IL15: variants seen among roughly 807,000 people sequenced by gnomAD.
The protein encoded by IL15 is interleukin 15.
IL15 carries 11 observed loss-of-function variants against 19.6 expected under a neutral mutation model. The observed-to-expected ratio is 0.56, with a 90% CI of 0.35 to 0.93. The LOEUF (loss-of-function observed/expected upper bound fraction) is 0.93. Among genes scored for constraint, IL15 ranks in the 40% least tolerant of loss-of-function variants. The pLI is 0.01. For missense variants in IL15, 197 were observed against 186.5 expected (o/e 1.06, Z -0.33); for synonymous variants, 58 against 59.6 (o/e 0.97, Z 0.12).
intron 2 of IL15, among the ~76,000 whole-genome samples, chr4:141,657,358 TAA>T (rs1360044610): frequency 6.6e-6 from 1 of 152,144 alleles, no homozygotes; most frequent in Non-Finnish European, 1.5e-5. Context: ...GTAAACTGTA[TAA>T]ACACTGTACA....
intron 2 of IL15, among the ~76,000 whole-genome samples, chr4:141,680,671 C>T (rs925287138): frequency 1.3e-5 from 2 of 152,142 alleles, no homozygotes; most frequent in African/African-American, 4.8e-5. Context: ...AAACACTTTC[C>T]TTTATTTTAC....
intron 1 of IL15, among the ~76,000 whole-genome samples, chr4:141,649,346 A>G (rs1167109220): frequency 6.6e-6 from 1 of 152,092 alleles, no homozygotes; most frequent in Non-Finnish European, 1.5e-5. Flanking sequence ...TCTCAAACTC[A>G]TGAGATACTT....
At chr4:141,727,224 T>G (rs1486145112) in intron 5 of IL15, among the ~76,000 whole-genome samples, 1 of 152,088 alleles carries the variant, frequency 6.6e-6, no homozygotes, top group Admixed American at 6.6e-5. Flanking sequence ...ATTCACCAAC[T>G]ATAACAAACA....
At chr4:141,691,008 C>A (rs1276125811) in intron 2 of IL15, among the ~76,000 whole-genome samples, 1 of 96,260 alleles carries the variant, frequency 1.0e-5, no homozygotes, top group African/African-American at 4.2e-5. Flanking sequence ...ATCTAAAAAT[C>A]CTATAATACT....
chr4:141,730,692 A>G (rs958047488), intron 7 of IL15, among the ~76,000 whole-genome samples: 12 of 152,176 alleles, frequency 7.9e-5, no homozygotes, highest in African/African-American at 2.9e-4. Context: ...AGGTACTCGT[A>G]TGATAGGCTG....
At chr4:141,650,630 C>G (rs1441291234) in intron 1 of IL15, among the ~76,000 whole-genome samples, 1 of 152,068 alleles carries the variant, frequency 6.6e-6, no homozygotes, top group Non-Finnish European at 1.5e-5. Flanking sequence ...TTTCTCTGCA[C>G]TTATTATTCT....
chr4:141,659,634 T>A (rs990584846), intron 2 of IL15, among the ~76,000 whole-genome samples: 14 of 152,226 alleles, frequency 9.2e-5, no homozygotes, highest in African/African-American at 3.4e-4. Context: ...GTGAAGTGTC[T>A]TGTCACTGAG....
At chr4:141,637,297 G>C (rs1726892910) in intron 1 of IL15, 1 of 152,268 alleles carries the variant, frequency 6.6e-6, no homozygotes, top group Non-Finnish European at 1.5e-5. Flanking sequence ...GTCTGTGCGT[G>C]CGCGTCTATC....
At chr4:141,680,028 G>C (rs1414915954) in intron 2 of IL15, among the ~76,000 whole-genome samples, 1 of 152,198 alleles carries the variant, frequency 6.6e-6, no homozygotes, top group African/African-American at 2.4e-5. Flanking sequence ...TCAGTACGTA[G>C]AGAACAAAAA....
At position 141,688,080 on chromosome 4, in the gene IL15, G is replaced by A. The variant is rs142941969; in HGVS notation, c.-99-31286G>A. ...TCCCTAAGGGCAGCTTACACCCAGC[G>A]TTTCTTTAATAGGAGTGGAGTAGGG... is the stretch of plus-strand genomic sequence containing the variant. On this transcript the variant is annotated intron_variant, in intron 2 of 7. Transcript: ENST00000320650. 1.4e-3 allele frequency among the ~76,000 whole-genome samples: 218 copies of A among 152,212 alleles called. 1 individual carries two copies. The highest frequency in any genetic ancestry group is 5.0e-3 in the African/African-American group (208 of 41,546).
intron 2 of IL15, among the ~76,000 whole-genome samples, chr4:141,680,866 G>A (rs1394755672): frequency 6.6e-6 from 1 of 152,126 alleles, no homozygotes; most frequent in Non-Finnish European, 1.5e-5. Flanking sequence ...CCTAGGTAGA[G>A]CTCCTCAGAA....
intron 2 of IL15, among the ~76,000 whole-genome samples, chr4:141,666,648 TG>T (rs1187490988): frequency 6.6e-6 from 1 of 152,108 alleles, no homozygotes; most frequent in Non-Finnish European, 1.5e-5. Context: ...CTGGCCCTTC[TG>T]CTTCCCCCCA....
chr4:141,681,128 G>T (rs2152172426), intron 2 of IL15, among the ~76,000 whole-genome samples: 1 of 152,142 alleles, frequency 6.6e-6, no homozygotes, highest in African/African-American at 2.4e-5. Flanking sequence ...CCTTAATTGA[G>T]TACAGTCTGA....
chr4:141,669,938 TTGAG>T (rs1728114373), intron 2 of IL15, among the ~76,000 whole-genome samples: 1 of 151,894 alleles, frequency 6.6e-6, no homozygotes, highest in African/African-American at 2.4e-5. Context: ...TTGAAAACTC[TTGAG>T]TAAGCATAGA....
rs184272941 is a variant in IL15, at chr4:141,654,749, C to G, written c.-221-1437C>G. ...ATGCTTTCAAGTATGTGTTACTTAA[C>G]TTGGGGCAGACTCTTGGGGCGAAGG... On this transcript the variant is annotated intron_variant, in intron 1 of 7. Transcript: ENST00000320650. Among the ~76,000 whole-genome samples, 243 of 152,252 alleles carry G rather than the reference C, an allele frequency of 1.6e-3. 2 individuals carry two copies. Among genetic ancestry groups the G allele is most frequent in the African/African-American group, 5.7e-3 (235 of 41,558 alleles).
At chr4:141,723,091 T>C (rs1730143614) in intron 5 of IL15, among the ~76,000 whole-genome samples, 1 of 152,110 alleles carries the variant, frequency 6.6e-6, no homozygotes, top group African/African-American at 2.4e-5. Context: ...GTTGAATTCA[T>C]AACAAAACAC....
chr4:141,657,511 A>G (rs1481947098), intron 2 of IL15, among the ~76,000 whole-genome samples: 4 of 152,110 alleles, frequency 2.6e-5, no homozygotes. Flanking sequence ...TTAAAGCACA[A>G]ACATATTATA....
chr4:141,658,019 G>T (rs1727664906), intron 2 of IL15, among the ~76,000 whole-genome samples: 1 of 152,186 alleles, frequency 6.6e-6, no homozygotes. Flanking sequence ...AATGCACTGT[G>T]TTACGACATT....
chr4:141,644,180 G>A (rs1299637565), intron 1 of IL15, among the ~76,000 whole-genome samples: 3 of 151,534 alleles, frequency 2.0e-5, no homozygotes, highest in Non-Finnish European at 4.4e-5. Context: ...TTGCAAAAGT[G>A]CCTGCTGCTT....
Sources: gnomAD v4.1 joint callset for allele counts (sites outside exome capture counted in the v4.1 genomes callset) on GRCh38, gnomAD v4.1.1 for gene constraint, MANE v1.5 for transcripts, NCBI Gene and HGNC (gene_info 2026-07-23, HGNC 2026-07-21) for gene names.